Variants in C4orf50 observed in about 807,000 individuals in gnomAD.
The protein encoded by C4orf50 is chromosome 4 open reading frame 50.
A neutral mutation model predicts 77.2 loss-of-function variants in C4orf50; 80 were observed. That is an observed-to-expected ratio of 1.04 (90% CI 0.87 to 1.25). The LOEUF is 1.25. Ranked by LOEUF, C4orf50 falls within the 50% of genes most tolerant of loss-of-function variation. The pLI, the probability that C4orf50 is intolerant of heterozygous loss-of-function variation, is 0.00. For synonymous variants in C4orf50, 532 were observed against 465.3 expected, an observed-to-expected ratio of 1.14 and a Z score of -1.84; for missense variants, 1,257 against 1,152.9, an observed-to-expected ratio of 1.09 and a Z score of -1.31.
intron 7 of C4orf50, among the ~76,000 whole-genome samples, chr4:5,938,957 G>A (rs74501996): frequency 0.038 from 5,812 of 152,154 alleles, 318 homozygotes; most frequent in African/African-American, 0.12. Context: ...TGAAAGAAAT[G>A]GGGGCAGGGC....
intron 7 of C4orf50, among the ~76,000 whole-genome samples, chr4:5,909,201 T>C (rs1716684218): frequency 6.6e-6 from 1 of 152,200 alleles, no homozygotes; most frequent in South Asian, 2.1e-4. Flanking sequence ...TCTCTTGAAA[T>C]TCAAACCCTT....
At position 5,964,080 on chromosome 4, in the gene C4orf50, G is replaced by A. The variant is rs537163321; in HGVS notation, c.4275+944C>T. Among the ~76,000 whole-genome samples the A allele has an allele frequency of 3.3e-5, 5 of 152,342 alleles. No homozygotes were observed. The South Asian group carries it at 1.0e-3, about 32-fold the overall frequency. ...GCCATCTGAGAGCTACAAAGGCTGTGAGGACTTGTGGGACCAAAACTGAAT... is the reference window on the plus strand; with the variant it reads ...GCCATCTGAGAGCTACAAAGGCTGTAAGGACTTGTGGGACCAAAACTGAAT... On this transcript the variant is annotated intron_variant, in intron 33 of 33. Coordinates refer to ENST00000531445, the Ensembl canonical transcript of C4orf50.
rs1325995104 is a variant in C4orf50 at position 5,932,020 on chromosome 4, C to A, written c.*2474+24881G>T. On this transcript the variant is annotated intron_variant, in intron 7 of 7. Coordinates refer to the C4orf50 transcript ENST00000324058. The surrounding 1 kb of genome is among the most constrained non-coding windows in gnomAD (Gnocchi z 4.2). The stretch of plus-strand genomic sequence containing the variant: ...TATTTACGGAGAGTTGTCACCTGAC[C>A]CCAAAATGCTAAGCTCTTCCCAACG... Among the ~76,000 whole-genome samples the A allele has an allele frequency of 3.9e-5, 6 of 151,992 alleles. No individual in the cohort carries two copies. The highest frequency in any genetic ancestry group is 3.9e-4 in the Admixed American group (6 of 15,266).
At chr4:5,988,009 T>G (rs543008793) in intron 28 of C4orf50, among the ~76,000 whole-genome samples, 67 of 152,170 alleles carry the variant, frequency 4.4e-4, no homozygotes, top group Admixed American at 5.9e-4. Flanking sequence ...AACCCCAGGG[T>G]TGGAAAATGC....
At chr4:6,003,301 T>G (rs1274884808) in intron 25 of C4orf50, among the ~76,000 whole-genome samples, 1 of 152,130 alleles carries the variant, frequency 6.6e-6, no homozygotes, top group Non-Finnish European at 1.5e-5. Context: ...CAGTCCAGGA[T>G]AAGCCCTCAG....
intron 7 of C4orf50, among the ~76,000 whole-genome samples, chr4:5,948,425 G>T (rs956747034): frequency 6.6e-6 from 1 of 152,212 alleles, no homozygotes; most frequent in Non-Finnish European, 1.5e-5. Context: ...CACACTTTGG[G>T]AGGCCGAGGT....
At chr4:5,975,914 T>A in exon 30 of C4orf50, 1 of 1,613,688 alleles carries the variant, frequency 6.2e-7, no homozygotes, top group Non-Finnish European at 8.5e-7. Context: ...GGGGAGTCAC[T>A]GCCAACTTTG....
chr4:6,007,615 T>TA lies in C4orf50; in HGVS notation c.963+380dup, dbSNP rs1267458151. 6.6e-6 allele frequency among the ~76,000 whole-genome samples: 1 copy of TA among 152,098 alleles called. No individual in the cohort carries two copies. Among genetic ancestry groups the TA allele is most frequent in the African/African-American group, 2.4e-5 (1 of 41,394 alleles). On this transcript the variant is annotated intron_variant, in intron 25 of 33. Coordinates refer to ENST00000531445, the Ensembl canonical transcript of C4orf50. The surrounding 1 kb of genome is among the most constrained non-coding windows in gnomAD (Gnocchi z 4.1). ...AACAATGGGAAAACAAGTGGTTTAG[T>TA]AAGTGGGCTCATAAGTGGCTGCGTG...
At chr4:5,981,604 A>G (rs1720592352) in intron 28 of C4orf50, among the ~76,000 whole-genome samples, 1 of 151,762 alleles carries the variant, frequency 6.6e-6, no homozygotes, top group Non-Finnish European at 1.5e-5. Context: ...GGGTTTCTCC[A>G]TGTTGGTCAG....
chr4:5,967,171 T>G (rs1577942820), intron 32 of C4orf50, among the ~76,000 whole-genome samples: 1 of 152,346 alleles, frequency 6.6e-6, no homozygotes, highest in East Asian at 1.9e-4. Flanking sequence ...TAGGATGAGT[T>G]TCCAGGAGTG....
chr4:6,016,185 G>A (rs1722676719), intron 23 of C4orf50, among the ~76,000 whole-genome samples: 2 of 152,114 alleles, frequency 1.3e-5, no homozygotes, highest in Non-Finnish European at 2.9e-5. Flanking sequence ...TCAAAGTTTG[G>A]TGATGTTTTT....
intron 7 of C4orf50, among the ~76,000 whole-genome samples, chr4:5,909,931 G>A (rs1388738236): frequency 6.6e-6 from 1 of 152,174 alleles, no homozygotes; most frequent in Non-Finnish European, 1.5e-5. Context: ...TTTGAAGTCA[G>A]GGGGTGTGGA....
At chr4:5,907,282 A>T (rs1716592897) in intron 7 of C4orf50, among the ~76,000 whole-genome samples, 1 of 152,256 alleles carries the variant, frequency 6.6e-6, no homozygotes, top group African/African-American at 2.4e-5. Context: ...TTAAGAAGTA[A>T]CAAGTACCAC....
Position 6,000,968 on chromosome 4 carries a change from C to T in C4orf50, c.964-6492G>A, listed in dbSNP as rs1448197973. 6.6e-6 allele frequency among the ~76,000 whole-genome samples: 1 copy of T among 152,126 alleles called. No individual in the cohort carries two copies. Among genetic ancestry groups the T allele is most frequent in the Non-Finnish European group, 1.5e-5 (1 of 68,030 alleles). The stretch of plus-strand genomic sequence containing the variant: ...CCAAGGGCAACCCATCGGTAAGTGG[C>T]AGGAGAGCCCACCTCCACCGGAAGT... On this transcript the variant is annotated intron_variant, in intron 25 of 33. Transcript: ENST00000531445. This position sits in a 1 kb window ranked among gnomAD's most constrained non-coding sequence, Gnocchi z 6.0.
intron 7 of C4orf50, among the ~76,000 whole-genome samples, chr4:5,927,481 A>C (rs1254960284): frequency 6.6e-6 from 1 of 151,726 alleles, no homozygotes; most frequent in Non-Finnish European, 1.5e-5. Context: ...ATCTCATCTC[A>C]AATTGTAAAC....
rs1722756473 is a variant in C4orf50, at chr4:6,018,262, G to A, written c.170C>T (p.Ala57Val). ...CATATCCATGTCTGGGCGGCCAGCT[G>A]CTTCTTCCTGAAGACATTCCCGCTC... The change falls in exon 23 of 34, where the codon GCA (alanine) becomes GTA (valine). Residue 57 changes from alanine (A) to valine (V), a missense_variant. Transcript: ENST00000531445. This position sits in a 1 kb window ranked among gnomAD's most constrained non-coding sequence, Gnocchi z 5.1. 7.5e-6 allele frequency: 3 copies of A among 399,064 alleles called. No homozygotes were observed. The highest frequency in any genetic ancestry group is 8.8e-5 in the Admixed American group (2 of 22,740). 24.7% of individuals were successfully genotyped at this position (399,064 alleles called of 1,614,324 possible). A position where few individuals can be genotyped will look rare whatever the true frequency, so the allele number is the denominator to read the frequency against.
chr4:5,910,408 A>G (rs1049738041), intron 7 of C4orf50, among the ~76,000 whole-genome samples: 3 of 152,208 alleles, frequency 2.0e-5, no homozygotes, highest in South Asian at 2.1e-4. Flanking sequence ...AATCTCGTCA[A>G]TCTGTTCCAT....
Position 5,992,305 on chromosome 4 carries a change from T to C in C4orf50, c.1221+498A>G, listed in dbSNP as rs1221026117. Among the ~76,000 whole-genome samples the C allele has an allele frequency of 2.0e-5, 3 of 152,032 alleles. No homozygotes were observed. Among genetic ancestry groups the C allele is most frequent in the African/African-American group, 7.2e-5 (3 of 41,380 alleles). ...CCAGCACAGCTCTGTTCCTCAGGGA[T>C]GAGAAAATGGAAGTGGAGAAAGGTT... On this transcript the variant is annotated intron_variant, in intron 27 of 33. Coordinates refer to ENST00000531445, the Ensembl canonical transcript of C4orf50. The surrounding 1 kb of genome is among the most constrained non-coding windows in gnomAD (Gnocchi z 5.0).
At chr4:5,913,384 T>A (rs895590845) in intron 7 of C4orf50, among the ~76,000 whole-genome samples, 6 of 151,766 alleles carry the variant, frequency 4.0e-5, no homozygotes, top group Admixed American at 6.6e-5. Flanking sequence ...ATGACTATTC[T>A]GGGAACACAT....
Sources: gnomAD v4.1 joint callset for allele counts (sites outside exome capture counted in the v4.1 genomes callset) on GRCh38, gnomAD v4.1.1 for gene constraint, Gnocchi (gnomAD v3.1) non-coding constraint, MANE v1.5 for transcripts, NCBI Gene and HGNC (gene_info 2026-07-23, HGNC 2026-07-21) for gene names.